The following FRAS1 variants were observed in gnomAD, a reference collection of about 807,000 sequenced individuals.
FRAS1 encodes the protein Fraser extracellular matrix complex subunit 1, also known as extracellular matrix organizing protein FRAS1.
Under a neutral mutation model 435.2 loss-of-function variants are expected in FRAS1, and 290 were observed. That is an observed-to-expected ratio of 0.67 (90% CI 0.61 to 0.73). The LOEUF is 0.73. Ranked by LOEUF, FRAS1 falls within the 30% of genes least tolerant of loss-of-function variation. The pLI is 0.00. For synonymous variants in FRAS1, 1,800 were observed against 1,851.0 expected, an observed-to-expected ratio of 0.97 and a Z score of 0.71; for missense variants, 4,860 against 5,001.5, an observed-to-expected ratio of 0.97 and a Z score of 0.85.
chr4:78,259,627 G>T (rs1725977253), intron 6 of FRAS1, among the ~76,000 whole-genome samples: 1 of 149,512 alleles, frequency 6.7e-6, no homozygotes, highest in South Asian at 2.2e-4. Flanking sequence ...AGATGAGTAG[G>T]TTGCGAAAAT....
At chr4:78,215,489 C>T (rs552712507) in intron 2 of FRAS1, among the ~76,000 whole-genome samples, 8 of 152,268 alleles carry the variant, frequency 5.3e-5, no homozygotes, top group East Asian at 3.9e-4. Context: ...CCACCGCACC[C>T]GGCCAATTAT....
At chr4:78,482,241 T>C in intron 57 of FRAS1, 147 bp from the exon 58 acceptor site, 1 of 892,212 alleles carries the variant, frequency 1.1e-6, no homozygotes, top group Non-Finnish European at 1.8e-6. Context: ...CCGAGTGGCA[T>C]GTAATAAAGA....
chr4:78,513,120 G>A (rs1496607), intron 64 of FRAS1, among the ~76,000 whole-genome samples: 49,382 of 151,592 alleles, frequency 0.33, 8,684 homozygotes, highest in South Asian at 0.52. Flanking sequence ...GTAATTTGTG[G>A]TTGTGATGTT....
intron 70 of FRAS1, among the ~76,000 whole-genome samples, chr4:78,529,069 A>G (rs1721631979): frequency 6.6e-6 from 1 of 152,108 alleles, no homozygotes; most frequent in Admixed American, 6.5e-5. Context: ...TATGAAGAGT[A>G]GGTAGCTGTA....
At chr4:78,147,684 A>G (rs1381347013) in intron 2 of FRAS1, among the ~76,000 whole-genome samples, 1 of 152,172 alleles carries the variant, frequency 6.6e-6, no homozygotes, top group African/African-American at 2.4e-5. Context: ...GTTTAAAACT[A>G]GGACATTATG....
At chr4:78,102,914 G>C (rs1461470017) in intron 2 of FRAS1, among the ~76,000 whole-genome samples, 1 of 152,162 alleles carries the variant, frequency 6.6e-6, no homozygotes, top group Admixed American at 6.5e-5. Flanking sequence ...AACGCTTTTG[G>C]AAATGGCATG....
chr4:78,058,574 A>G (rs993956578), intron 1 of FRAS1, among the ~76,000 whole-genome samples: 1 of 152,214 alleles, frequency 6.6e-6, no homozygotes, highest in African/African-American at 2.4e-5. Flanking sequence ...TTAGGATTTT[A>G]TAACTAACTG....
chr4:78,314,569 G>A (rs1268876838), intron 15 of FRAS1, among the ~76,000 whole-genome samples: 18 of 152,158 alleles, frequency 1.2e-4, no homozygotes, highest in Non-Finnish European at 5.9e-5. Context: ...TGTTTCTACT[G>A]TGTTTAGAAT....
chr4:78,370,078 C>A, intron 23 of FRAS1, 94 bp downstream of exon 23: 3 of 1,229,012 alleles, frequency 2.4e-6, no homozygotes, highest in South Asian at 3.1e-5. Context: ...AAACACCAGT[C>A]ATCATATATT....
intron 2 of FRAS1, among the ~76,000 whole-genome samples, chr4:78,096,409 G>A (rs1222878653): frequency 6.6e-6 from 1 of 152,196 alleles, no homozygotes; most frequent in Admixed American, 6.5e-5. Context: ...AGCTCCACTA[G>A]AAGGTACCCC....
chr4:78,495,724 A>G (rs550143399), intron 59 of FRAS1, among the ~76,000 whole-genome samples: 1 of 152,292 alleles, frequency 6.6e-6, no homozygotes, highest in East Asian at 1.9e-4. Flanking sequence ...CCACATGGCA[A>G]TCTATCATTA....
chr4:78,322,059 A>G (rs1729532833), intron 18 of FRAS1, among the ~76,000 whole-genome samples: 2 of 152,186 alleles, frequency 1.3e-5, no homozygotes, highest in African/African-American at 2.4e-5. Context: ...TCAATTTACA[A>G]GTGATGAGAA....
chr4:78,356,918 A>G (rs938832878), intron 20 of FRAS1, among the ~76,000 whole-genome samples: 1 of 152,094 alleles, frequency 6.6e-6, no homozygotes, highest in Non-Finnish European at 1.5e-5. Context: ...AGAGATTCCC[A>G]ATTGCCTTTA....
At chr4:78,183,299 A>G (rs1032511154) in intron 2 of FRAS1, among the ~76,000 whole-genome samples, 4 of 152,196 alleles carry the variant, frequency 2.6e-5, no homozygotes, top group Non-Finnish European at 4.4e-5. Context: ...TAGGGCAGGT[A>G]TTTTAATTCC....
At chr4:78,062,396 A>G (rs1739799599) in intron 1 of FRAS1, among the ~76,000 whole-genome samples, 1 of 152,232 alleles carries the variant, frequency 6.6e-6, no homozygotes, top group African/African-American at 2.4e-5. Flanking sequence ...ATGCTGAATT[A>G]TAACACAACA....
intron 2 of FRAS1, among the ~76,000 whole-genome samples, chr4:78,230,966 T>A (rs1724493367): frequency 6.6e-6 from 1 of 152,196 alleles, no homozygotes; most frequent in South Asian, 2.1e-4. Flanking sequence ...ATTGTTATTA[T>A]TTTTTTGAGA....
chr4:78,337,349 G>C (rs1229470857), intron 19 of FRAS1, among the ~76,000 whole-genome samples: 2 of 152,128 alleles, frequency 1.3e-5, no homozygotes, highest in Non-Finnish European at 2.9e-5. Context: ...CCTACCACTC[G>C]TGTTTCTGCT....
chr4:78,155,299 C>T (rs1720836402), intron 2 of FRAS1, among the ~76,000 whole-genome samples: 1 of 151,930 alleles, frequency 6.6e-6, no homozygotes, highest in Non-Finnish European at 1.5e-5. Flanking sequence ...ATGATCTAAA[C>T]AATATTTTTT....
intron 51 of FRAS1, 37 bp from the exon 52 acceptor site, chr4:78,472,143 C>A: frequency 6.2e-7 from 1 of 1,604,332 alleles, no homozygotes; most frequent in Non-Finnish European, 8.5e-7. Flanking sequence ...GCTTTATTCC[C>A]ACCTCAGGAA....
Sources: allele counts gnomAD v4.1 joint callset (sites outside exome capture counted in the v4.1 genomes callset), GRCh38; gene constraint gnomAD v4.1.1; transcripts MANE v1.5; gene names NCBI Gene and HGNC (gene_info 2026-07-23, HGNC 2026-07-21).